Variants in CLMN observed in about 807,000 individuals in gnomAD.
CLMN encodes the protein calmin, also known as calmin (calponin-like, transmembrane).
A neutral mutation model predicts 92.7 loss-of-function variants in CLMN; 57 were observed. The observed-to-expected ratio is 0.61, with a 90% CI of 0.50 to 0.77. The LOEUF (loss-of-function observed/expected upper bound fraction) is 0.77. Among genes scored for constraint, CLMN ranks in the 30% least tolerant of loss-of-function variants. The probability of loss-of-function intolerance (pLI) is 0.00; values close to 1 mark genes in which losing one functional copy is unlikely to be tolerated. For missense variants in CLMN, 1,158 were observed against 1,237.5 expected (o/e 0.94, Z 0.96); for synonymous variants, 466 against 470.6 (o/e 0.99, Z 0.13).
intron 1 of CLMN, among the ~76,000 whole-genome samples, chr14:95,287,894 T>C (rs929472758): frequency 6.6e-6 from 1 of 152,176 alleles, no homozygotes; most frequent in African/African-American, 2.4e-5. Context: ...CAACCCACCG[T>C]AATTACTGGC....
chr14:95,258,039 G>C (rs114993224), intron 1 of CLMN, among the ~76,000 whole-genome samples: 1 of 151,838 alleles, frequency 6.6e-6, no homozygotes, highest in Non-Finnish European at 1.5e-5. Context: ...AGTGTGGTGC[G>C]AGTGTGCAGA....
rs1222256671 is a variant in CLMN, at chr14:95,256,874, G to A, written c.83-26741C>T. On this transcript the variant is annotated intron_variant, in intron 1 of 12. Transcript: ENST00000298912. The surrounding 1 kb of genome is among the most constrained non-coding windows in gnomAD (Gnocchi z 4.9). ...GCAGAATTGGAGCAGGAGCTTGAAG[G>A]CCCCATGCGGTGTTAGCAGATAGGG... is the stretch of plus-strand genomic sequence containing the variant. Among the ~76,000 whole-genome samples the A allele has an allele frequency of 6.6e-6, 1 of 152,194 alleles. No homozygotes were observed. Among genetic ancestry groups the A allele is most frequent in the African/African-American group, 2.4e-5 (1 of 41,444 alleles).
intron 1 of CLMN, among the ~76,000 whole-genome samples, chr14:95,250,909 G>C (rs964907874): frequency 4.6e-5 from 7 of 152,316 alleles, no homozygotes; most frequent in Middle Eastern, 6.8e-3. Flanking sequence ...TGGGAGCTGG[G>C]AGGGGAGGAG....
Position 95,203,803 on chromosome 14 carries a change from C to G in CLMN, c.1546G>C (p.Ala516Pro). Reference sequence around the variant, plus strand: ...GAGTGACTTTCTTCATCGTGGCGGGCTGTACTCTCTAAAGCACCATTACAG... The same window carrying G: ...GAGTGACTTTCTTCATCGTGGCGGGGTGTACTCTCTAAAGCACCATTACAG... ...SSCNGALESTARHDEESHSLS... is the reference protein window; with the variant it reads ...SSCNGALESTPRHDEESHSLS... Residue 516 changes from alanine to proline, a missense_variant, in exon 9 of 13, where the codon GCC (alanine) becomes CCC (proline). By Grantham distance (27) the Ala-to-Pro change is conservative. Coordinates refer to ENST00000298912, the MANE Select transcript of CLMN (RefSeq NM_024734.4). 1 of 1,614,182 alleles carries G rather than the reference C, an allele frequency of 6.2e-7. No individual in the cohort carries two copies. The highest frequency in any genetic ancestry group is 8.5e-7 in the Non-Finnish European group (1 of 1,180,038).
rs187502357 is a variant in CLMN, at chr14:95,231,835, A to T, written c.83-1702T>A. Among the ~76,000 whole-genome samples the T allele has an allele frequency of 6.3e-3, 956 of 152,130 alleles. 7 individuals carry two copies. The highest frequency in any genetic ancestry group is 0.024 in the Middle Eastern group (7 of 294). On this transcript the variant is annotated intron_variant, in intron 1 of 12. Coordinates refer to ENST00000298912, the MANE Select transcript of CLMN (RefSeq NM_024734.4). Reference sequence around the variant, plus strand: ...TGCAATAGTCATAACAGTGATTTTTAAAAAAAAGTACCAAGCACTTGCTAT... The same window carrying T: ...TGCAATAGTCATAACAGTGATTTTTTAAAAAAAGTACCAAGCACTTGCTAT...
At chr14:95,228,831 C>T (rs1477464613) in intron 2 of CLMN, among the ~76,000 whole-genome samples, 5 of 152,146 alleles carry the variant, frequency 3.3e-5, no homozygotes, top group African/African-American at 7.2e-5. Context: ...TGAGCCACCA[C>T]GCCCAGCTAA....
At chr14:95,292,428 T>TCCCCCCCCCCCCCCCCCCCCC (rs1263766978) in intron 1 of CLMN, among the ~76,000 whole-genome samples, 3 of 74,060 alleles carry the variant, frequency 4.1e-5, no homozygotes, top group South Asian at 7.7e-4. Context: ...CCCCCAAGGG[T>TCCCCCCCCCCCCCCCCCCCCC]CCCCCACCCC....
intron 1 of CLMN, among the ~76,000 whole-genome samples, chr14:95,252,210 G>C (rs1056499234): frequency 6.6e-6 from 1 of 152,126 alleles, no homozygotes; most frequent in Admixed American, 6.6e-5. Flanking sequence ...AAGCAACCAG[G>C]GGTCAAGTGC....
At chr14:95,224,014 T>TG (rs1403553506) in intron 2 of CLMN, among the ~76,000 whole-genome samples, 159 bp from the exon 3 acceptor site, 1 of 152,170 alleles carries the variant, frequency 6.6e-6, no homozygotes, top group Non-Finnish European at 1.5e-5. Context: ...CCCATCCCCC[T>TG]GGAAGTGATA....
At chr14:95,253,560 G>C (rs1898871750) in intron 1 of CLMN, among the ~76,000 whole-genome samples, 2 of 151,904 alleles carry the variant, frequency 1.3e-5, no homozygotes, top group Non-Finnish European at 2.9e-5. Flanking sequence ...ATATGGCCCA[G>C]TCATGTCATA....
rs1896657975 is a variant in CLMN, at chr14:95,194,822, A to C, written c.2709-226T>G. Among the ~76,000 whole-genome samples, 1 of 152,254 alleles carries C rather than the reference A, an allele frequency of 6.6e-6. No individual in the cohort carries two copies. The highest frequency in any genetic ancestry group is 2.1e-4 in the South Asian group (1 of 4,836). ...ATACACACATTGGGCCCTCATCTACAAGAAAAATCAAAGTCAGGATTTTAA... is the reference window on the plus strand; with the variant it reads ...ATACACACATTGGGCCCTCATCTACCAGAAAAATCAAAGTCAGGATTTTAA... On this transcript the variant is annotated intron_variant, in intron 10 of 12. Transcript: ENST00000298912. This position sits in a 1 kb window ranked among gnomAD's most constrained non-coding sequence, Gnocchi z 4.0.
chr14:95,236,717 G>A (rs1308091223), intron 1 of CLMN, among the ~76,000 whole-genome samples: 3 of 152,240 alleles, frequency 2.0e-5, no homozygotes, highest in African/African-American at 7.2e-5. Context: ...AGCAACAGGA[G>A]GGCTCTGCCA....
intron 1 of CLMN, among the ~76,000 whole-genome samples, chr14:95,273,912 G>A (rs1021152904): frequency 1.3e-5 from 2 of 152,056 alleles, no homozygotes; most frequent in Admixed American, 1.3e-4. Context: ...CCTACGACAC[G>A]CTCCTCCCAG....
At chr14:95,244,708 G>A (rs946864332) in intron 1 of CLMN, among the ~76,000 whole-genome samples, 1 of 152,048 alleles carries the variant, frequency 6.6e-6, no homozygotes, top group Non-Finnish European at 1.5e-5. Flanking sequence ...GGTTTGTTAG[G>A]GGTCAATTTT....
chr14:95,298,430 G>A (rs1473884058), intron 1 of CLMN, among the ~76,000 whole-genome samples: 1 of 152,116 alleles, frequency 6.6e-6, no homozygotes. Context: ...CTGGTGCAAG[G>A]AACCAGAAAC....
chr14:95,245,262 T>TATATATTATATATATATATA (rs1898496080), intron 1 of CLMN, among the ~76,000 whole-genome samples: 1 of 43,016 alleles, frequency 2.3e-5, no homozygotes, highest in African/African-American at 1.4e-4. Flanking sequence ...ATAATATATA[T>TATATATTATATATATATATA]ATATATATTA....
chr14:95,272,204 C>G (rs1303605477), intron 1 of CLMN, among the ~76,000 whole-genome samples: 1 of 152,136 alleles, frequency 6.6e-6, no homozygotes, highest in Non-Finnish European at 1.5e-5. Context: ...AAGTAGAAGG[C>G]TGGAGCAGGC....
chr14:95,193,539 C>A, intron 12 of CLMN: 1 of 687,834 alleles, frequency 1.5e-6, no homozygotes, highest in Non-Finnish European at 2.4e-6. Context: ...CCCTATACCA[C>A]TAAACCACCC....
At chr14:95,232,305 A>C (rs1298474219) in intron 1 of CLMN, among the ~76,000 whole-genome samples, 1 of 152,234 alleles carries the variant, frequency 6.6e-6, no homozygotes, top group African/African-American at 2.4e-5. Context: ...GGATTTCAAC[A>C]TATTGAAAGA....
Sources: allele counts gnomAD v4.1 joint callset (sites outside exome capture counted in the v4.1 genomes callset), GRCh38; gene constraint gnomAD v4.1.1; non-coding constraint Gnocchi (gnomAD v3.1); transcripts MANE v1.5; gene names NCBI Gene and HGNC (gene_info 2026-07-23, HGNC 2026-07-21).